Variants in HSD11B1 observed in about 807,000 individuals in gnomAD.
HSD11B1 encodes the protein hydroxysteroid 11-beta dehydrogenase 1.
A neutral mutation model predicts 22.1 loss-of-function variants in HSD11B1; 15 were observed. The ratio of observed to expected loss-of-function variants is 0.68; its 90% CI spans 0.45 to 1.04. The LOEUF is 1.04. Ranked by LOEUF, HSD11B1 falls within the 50% of genes least tolerant of loss-of-function variation. The pLI, the probability that HSD11B1 is intolerant of heterozygous loss-of-function variation, is 0.00. For synonymous variants in HSD11B1, 122 were observed against 125.2 expected (o/e 0.97, Z 0.17); for missense variants, 281 against 357.6 (o/e 0.79, Z 1.73).
chr1:209,700,315 C>T (rs904575114), upstream of HSD11B1, among the ~76,000 whole-genome samples: 12 of 152,230 alleles, frequency 7.9e-5, no homozygotes, highest in African/African-American at 2.4e-4. Flanking sequence ...AACTTCAATT[C>T]TTGATTTCTG....
chr1:209,698,168 TAGA>T (rs1268889089), intron 1 of HSD11B1, among the ~76,000 whole-genome samples: 3 of 8,776 alleles, frequency 3.4e-4, no homozygotes, highest in African/African-American at 9.2e-4. Flanking sequence ...ATAGATAGAT[TAGA>T]TAGATAGATA....
chr1:209,706,068 A>G lies in HSD11B1; in HGVS notation c.219+127A>G. 7.9e-7 allele frequency: 1 copy of G among 1,269,090 alleles called. No individual in the cohort carries two copies. Among genetic ancestry groups the G allele is most frequent in the African/African-American group, 1.5e-5 (1 of 68,150 alleles). 78.6% of individuals were successfully genotyped at this position (1,269,090 alleles called of 1,614,324 possible). On this transcript the variant is annotated intron_variant, in intron 2 of 5. Coordinates refer to ENST00000367027, the MANE Select transcript of HSD11B1 (RefSeq NM_005525.4). This position sits in a 1 kb window ranked among gnomAD's most constrained non-coding sequence, Gnocchi z 4.0. ...TACAGAGGCACATGCACACACACAGACACTTAATTTTGCACTCTCATATAT... is the reference window on the plus strand; with the variant it reads ...TACAGAGGCACATGCACACACACAGGCACTTAATTTTGCACTCTCATATAT...
chr1:209,697,884 CTTTTTTTTTTTTTTTT>C (rs988076432), intron 1 of HSD11B1, among the ~76,000 whole-genome samples: 10 of 41,586 alleles, frequency 2.4e-4, no homozygotes, highest in South Asian at 1.4e-3. Flanking sequence ...TTGTTTTTTC[CTTTTTTTTTTTTTTTT>C]TTTTTTTTTT....
upstream of HSD11B1, among the ~76,000 whole-genome samples, chr1:209,701,794 C>T (rs575394814): frequency 3.9e-5 from 6 of 152,316 alleles, no homozygotes; most frequent in Admixed American, 6.5e-5. Flanking sequence ...ACATTTTTGC[C>T]ATCTCCTATC....
At chr1:209,728,017 A>C (rs1361349967) in intron 4 of HSD11B1, among the ~76,000 whole-genome samples, 1 of 152,210 alleles carries the variant, frequency 6.6e-6, no homozygotes, top group African/African-American at 2.4e-5. Flanking sequence ...CCAACCTTCC[A>C]TGGCTAGAAA....
At chr1:209,723,299 C>T (rs1331602167) in intron 4 of HSD11B1, among the ~76,000 whole-genome samples, 7 of 152,162 alleles carry the variant, frequency 4.6e-5, no homozygotes, top group African/African-American at 1.7e-4. Context: ...CCCTCAATTC[C>T]ACGACTGCTT....
chr1:209,692,696 G>A (rs1159933532), intron 1 of HSD11B1, among the ~76,000 whole-genome samples: 2 of 150,520 alleles, frequency 1.3e-5, no homozygotes, highest in Non-Finnish European at 3.0e-5. Flanking sequence ...GCCCAGATGG[G>A]CCTAGAAGGT....
intron 4 of HSD11B1, among the ~76,000 whole-genome samples, chr1:209,710,504 C>G (rs2076888137): frequency 6.6e-6 from 1 of 152,186 alleles, no homozygotes; most frequent in African/African-American, 2.4e-5. Context: ...TTGTCTTTAT[C>G]TACTATATTT....
chr1:209,705,784 T>C (rs746750850), intron 1 of HSD11B1, 27 bp from the exon 2 acceptor site: 1 of 1,612,878 alleles, frequency 6.2e-7, no homozygotes, highest in South Asian at 1.1e-5. Flanking sequence ...TTGGGTATGG[T>C]CCTCACTTCC....
At chr1:209,692,686 G>A (rs1473628751) in intron 1 of HSD11B1, among the ~76,000 whole-genome samples, 1 of 149,058 alleles carries the variant, frequency 6.7e-6, no homozygotes, top group African/African-American at 2.5e-5. Context: ...ACAAGGAAGT[G>A]CCCAGATGGG....
At chr1:209,727,321 T>C (rs765616381) in intron 4 of HSD11B1, among the ~76,000 whole-genome samples, 3 of 152,196 alleles carry the variant, frequency 2.0e-5, no homozygotes, top group Non-Finnish European at 2.9e-5. Context: ...GGATTCCAGT[T>C]CTGTAAGAGA....
intron 5 of HSD11B1, 45 bp downstream of exon 5, chr1:209,732,624 G>A: frequency 1.3e-6 from 2 of 1,517,912 alleles, no homozygotes; most frequent in Non-Finnish European, 1.8e-6. Flanking sequence ...TATACTTTAA[G>A]TTCTAGGGTA....
chr1:209,688,723 T>C (rs979515643), intron 1 of HSD11B1, among the ~76,000 whole-genome samples: 7 of 152,146 alleles, frequency 4.6e-5, no homozygotes, highest in Admixed American at 6.5e-5. Flanking sequence ...CTATCTAGGG[T>C]TAAACTTGGC....
intron 1 of HSD11B1, among the ~76,000 whole-genome samples, chr1:209,698,182 GATAGA>G (rs1321759985): frequency 3.0e-5 from 4 of 134,470 alleles, no homozygotes; most frequent in Non-Finnish European, 7.0e-5. Flanking sequence ...TAGATAGATA[GATAGA>G]TAGATAGATA....
At chr1:209,718,594 G>A (rs1400945410) in intron 4 of HSD11B1, among the ~76,000 whole-genome samples, 1 of 152,164 alleles carries the variant, frequency 6.6e-6, no homozygotes, top group Non-Finnish European at 1.5e-5. Flanking sequence ...TGGTGAGAAT[G>A]TGGGGAAATT....
At position 209,707,143 on chromosome 1, in the gene HSD11B1, G is replaced by A; in HGVS notation, c.517+15G>A. On this transcript the variant is annotated intron_variant, in intron 4 of 5. Coordinates refer to ENST00000367027, the MANE Select transcript of HSD11B1 (RefSeq NM_005525.4). ...CTCTCTGGCTGGTAAGTGGGACAGG[G>A]ACATATGTGGAAGGTAGAAGAAAAA... 1.2e-6 allele frequency: 2 copies of A among 1,602,764 alleles called. No individual in the cohort carries two copies. The highest frequency in any genetic ancestry group is 1.7e-6 in the Non-Finnish European group (2 of 1,173,540).
At position 209,689,312 on chromosome 1, in the gene HSD11B1, A is replaced by T. The variant is rs141892786; in HGVS notation, c.-49+3027A>T. ...AGAAAGGACTCAACCAAAGAGACAA[A>T]CACTACAGACATTGATGTGTGGTTC... is the stretch of plus-strand genomic sequence containing the variant. On this transcript the variant is annotated intron_variant, in intron 1 of 6. Coordinates refer to the HSD11B1 transcript ENST00000261465. 5.7e-4 allele frequency among the ~76,000 whole-genome samples: 87 copies of T among 152,322 alleles called. No individual in the cohort carries two copies. The East Asian group carries it at 0.015, about 27-fold the overall frequency.
chr1:209,711,004 C>T (rs917254758), intron 4 of HSD11B1, among the ~76,000 whole-genome samples: 1 of 152,082 alleles, frequency 6.6e-6, no homozygotes, highest in Non-Finnish European at 1.5e-5. Flanking sequence ...GTTGACTAGC[C>T]GGGGGCAAAC....
chr1:209,691,247 AG>A (rs2076757994), intron 1 of HSD11B1, among the ~76,000 whole-genome samples: 2 of 152,212 alleles, frequency 1.3e-5, no homozygotes, highest in African/African-American at 4.8e-5. Flanking sequence ...AGGTAATACA[AG>A]GACAAGCGGA....
Sources: allele counts gnomAD v4.1 joint callset (sites outside exome capture counted in the v4.1 genomes callset), GRCh38; gene constraint gnomAD v4.1.1; non-coding constraint Gnocchi (gnomAD v3.1); transcripts MANE v1.5; gene names NCBI Gene and HGNC (gene_info 2026-07-23, HGNC 2026-07-21).